The following RPL22 variants were observed in gnomAD, a reference collection of about 807,000 sequenced individuals.
RPL22 encodes the protein large ribosomal subunit protein eL22.
Under a neutral mutation model 16.2 loss-of-function variants are expected in RPL22, and 4 were observed. The ratio of observed to expected loss-of-function variants is 0.25; its 90% CI spans 0.12 to 0.57. The LOEUF (loss-of-function observed/expected upper bound fraction) is 0.57. Ranked by LOEUF, RPL22 falls within the 20% of genes least tolerant of loss-of-function variation. The pLI is 0.92. For missense variants in RPL22, 83 were observed against 156.1 expected (o/e 0.53, Z 2.49); for synonymous variants, 43 against 54.8 (o/e 0.78, Z 0.95).
In RPL22 at chr1:6,199,318, C is replaced by G. The variant is rs922021465; in HGVS notation, c.12+244G>C. The G allele has an allele frequency of 8.1e-6, 9 of 1,116,666 alleles. No homozygotes were observed. In the East Asian group the frequency reaches 2.8e-4, roughly 34 times the overall value. 69.2% of individuals were successfully genotyped at this position (1,116,666 alleles called of 1,614,324 possible). A position where few individuals can be genotyped will look rare whatever the true frequency, so the allele number is the denominator to read the frequency against. On this transcript the variant is annotated intron_variant, in intron 1 of 3. Transcript: ENST00000234875. ...TCTCCAGGCTCCAGCTCCCCGCTAG[C>G]CCCTAGCTGGGGCCCCGGGCCTCCG...
intron 2 of RPL22, among the ~76,000 whole-genome samples, chr1:6,196,553 T>C (rs1244201509): frequency 6.6e-6 from 1 of 152,202 alleles, no homozygotes; most frequent in African/African-American, 2.4e-5. Flanking sequence ...TTCAACCTTC[T>C]GGAGAATTTA....
Position 6,185,820 on chromosome 1 carries a change from T to C in RPL22, c.*852A>G, listed in dbSNP as rs987869524. ...GCCTAAGTGGCATGAGGCAGCTATT[T>C]CCAGGGCACCTCCCACCTCCTTGGC... On this transcript the variant is annotated 3_prime_UTR_variant, in exon 4 of 4. Transcript: ENST00000234875. 99 of 231,622 alleles carry C rather than the reference T, an allele frequency of 4.3e-4. No individual in the cohort carries two copies. The highest frequency in any genetic ancestry group is 1.9e-3 in the African/African-American group (87 of 45,250). 14.3% of individuals were successfully genotyped at this position (231,622 alleles called of 1,614,324 possible).
In RPL22 at chr1:6,192,878, G is replaced by A. The variant is rs762001013; in HGVS notation, c.242+52C>T. The stretch of plus-strand genomic sequence containing the variant: ...GCCCCCACTCCCATGCAGGGAAAAG[G>A]CGGGCTGGGCACTGGGTGCACGCAG... On this transcript the variant is annotated intron_variant, in intron 3 of 3. Coordinates refer to ENST00000234875, the MANE Select transcript of RPL22 (RefSeq NM_000983.4). The A allele has an allele frequency of 3.1e-6, 5 of 1,604,352 alleles. No homozygotes were observed. The African/African-American group carries it at 4.1e-5, about 13-fold the overall frequency.
chr1:6,188,943 G>A (rs1406265401), intron 3 of RPL22, among the ~76,000 whole-genome samples: 3 of 148,754 alleles, frequency 2.0e-5, no homozygotes, highest in East Asian at 3.9e-4. Context: ...GTGCCACCAC[G>A]CCCAGCTAAT....
intron 3 of RPL22, among the ~76,000 whole-genome samples, chr1:6,189,396 G>A (rs1197695617): frequency 6.6e-6 from 1 of 152,044 alleles, no homozygotes; most frequent in African/African-American, 2.4e-5. Flanking sequence ...ATTTCAGGTG[G>A]TTGAAATGTT....
In RPL22 at chr1:6,187,129, G is replaced by A. The variant is rs149429904; in HGVS notation, c.243-313C>T. Among the ~76,000 whole-genome samples, 932 of 152,114 alleles carry A rather than the reference G, an allele frequency of 6.1e-3. 10 individuals carry two copies. Among genetic ancestry groups the A allele is most frequent in the African/African-American group, 0.021 (889 of 41,482 alleles). On this transcript the variant is annotated intron_variant, in intron 3 of 3. Transcript: ENST00000234875. ...TCGAGACCAGCCTGAACAACATGGT[G>A]AAACCCCATCTCTACTAAAAATAAA...
intron 3 of RPL22, among the ~76,000 whole-genome samples, chr1:6,190,007 TTAAC>T (rs1667630145): frequency 6.6e-6 from 1 of 152,290 alleles, no homozygotes; most frequent in Non-Finnish European, 1.5e-5. Flanking sequence ...TTCAGGAAAA[TTAAC>T]TATTATCATC....
intron 2 of RPL22, among the ~76,000 whole-genome samples, chr1:6,193,754 A>G (rs1667682613): frequency 6.6e-6 from 1 of 152,178 alleles, no homozygotes; most frequent in South Asian, 2.1e-4. Context: ...CCTGGCCCTA[A>G]TATCGGTTTC....
intron 3 of RPL22, among the ~76,000 whole-genome samples, chr1:6,190,589 A>AG (rs1191670335): frequency 1.3e-5 from 2 of 152,156 alleles, no homozygotes; most frequent in Non-Finnish European, 2.9e-5. Flanking sequence ...CATGTTGGTC[A>AG]GCTGGTCTAG....
At chr1:6,195,319 C>T (rs898586790) in intron 2 of RPL22, among the ~76,000 whole-genome samples, 6 of 147,142 alleles carry the variant, frequency 4.1e-5, no homozygotes, top group Non-Finnish European at 8.9e-5. Flanking sequence ...GTGACAGACA[C>T]CTGTAGTCCC....
At chr1:6,193,095 A>T in intron 2 of RPL22, 41 bp from the exon 3 acceptor site, 1 of 1,610,764 alleles carries the variant, frequency 6.2e-7, no homozygotes, top group Non-Finnish European at 8.5e-7. Flanking sequence ...TGACAAGTTC[A>T]TCTGTCTCAA....
At chr1:6,198,093 T>C (rs912518118) in intron 1 of RPL22, 2 of 254,552 alleles carry the variant, frequency 7.9e-6, no homozygotes, top group Non-Finnish European at 1.5e-5. Context: ...AACACTTCCT[T>C]TTGTTTGCCC....
At chr1:6,187,625 AAC>A (rs1667599595) in intron 3 of RPL22, among the ~76,000 whole-genome samples, 1 of 150,880 alleles carries the variant, frequency 6.6e-6, no homozygotes, top group African/African-American at 2.5e-5. Flanking sequence ...AAAAAAAAAA[AAC>A]AAAAAAAAAA....
intron 1 of RPL22, chr1:6,199,264 C>G (rs1225402222): frequency 3.6e-6 from 2 of 550,616 alleles, no homozygotes; most frequent in Non-Finnish European, 5.4e-6. Flanking sequence ...GGCCGGGGTC[C>G]GAGGACCAGT....
At chr1:6,197,939 G>C (rs996253436) in intron 1 of RPL22, 183 bp from the exon 2 acceptor site, 2 of 611,514 alleles carry the variant, frequency 3.3e-6, no homozygotes, top group African/African-American at 3.7e-5. Context: ...TAATGGGGCA[G>C]ATGCTGCTGT....
At position 6,186,548 on chromosome 1, in the gene RPL22, G is replaced by A; in HGVS notation, c.*124C>T. ...ATAAATGAGTGGCGAACCAAGGGAA[G>A]CCCTTTGACTATGATTTCCAATTTT... On this transcript the variant is annotated 3_prime_UTR_variant, in exon 4 of 4. Transcript: ENST00000234875. 3.3e-6 allele frequency: 2 copies of A among 602,784 alleles called. No homozygotes were observed. Among genetic ancestry groups the A allele is most frequent in the Non-Finnish European group, 5.5e-6 (2 of 364,352 alleles). The allele number at this position is 602,784 out of a possible 1,614,324, so 37.3% of individuals were successfully genotyped here.
chr1:6,198,155 C>A (rs1397927897), intron 1 of RPL22: 1 of 202,072 alleles, frequency 4.9e-6, no homozygotes, highest in African/African-American at 2.3e-5. Flanking sequence ...AGAGTGCAGG[C>A]ATACAAAATG....
Position 6,197,571 on chromosome 1 carries a change from A to G in RPL22, c.117+81T>C, listed in dbSNP as rs574888109. ...TGAAGCTGCCTATAAGCCTGAAAAC[A>G]GAAATGTACCCCAGTAGGTTTTCTC... On this transcript the variant is annotated intron_variant, in intron 2 of 3. Coordinates refer to ENST00000234875, the MANE Select transcript of RPL22 (RefSeq NM_000983.4). The G allele has an allele frequency of 3.9e-5, 35 of 896,334 alleles. No individual in the cohort carries two copies. In the African/African-American group the frequency reaches 5.1e-4, roughly 13 times the overall value. 55.5% of individuals were successfully genotyped at this position (896,334 alleles called of 1,614,324 possible). A position where few individuals can be genotyped will look rare whatever the true frequency, so the allele number is the denominator to read the frequency against.
rs528427515 is a variant in RPL22 at position 6,185,818 on chromosome 1, T to C, written c.*854A>G. 42 of 231,730 alleles carry C rather than the reference T, an allele frequency of 1.8e-4. No homozygotes were observed. In the East Asian group the frequency reaches 2.6e-3, roughly 14 times the overall value. The allele number at this position is 231,730 out of a possible 1,614,324, so 14.4% of individuals were successfully genotyped here. A position where few individuals can be genotyped will look rare whatever the true frequency, so the allele number is the denominator to read the frequency against. Reference sequence around the variant, plus strand: ...TGGCCTAAGTGGCATGAGGCAGCTATTTCCAGGGCACCTCCCACCTCCTTG... The same window carrying C: ...TGGCCTAAGTGGCATGAGGCAGCTACTTCCAGGGCACCTCCCACCTCCTTG... On this transcript the variant is annotated 3_prime_UTR_variant, in exon 4 of 4. Coordinates refer to ENST00000234875, the MANE Select transcript of RPL22 (RefSeq NM_000983.4).
Sources: allele counts gnomAD v4.1 joint callset (sites outside exome capture counted in the v4.1 genomes callset), GRCh38; gene constraint gnomAD v4.1.1; transcripts MANE v1.5; gene names NCBI Gene and HGNC (gene_info 2026-07-23, HGNC 2026-07-21).